Variants in PPP1R12A observed in about 807,000 individuals in gnomAD.
PPP1R12A encodes the protein myosin binding subunit.
In PPP1R12A, 19 loss-of-function variants were observed where a neutral mutation model predicts 139.6. The ratio of observed to expected loss-of-function variants is 0.14; its 90% CI spans 0.09 to 0.20. PPP1R12A has a LOEUF of 0.20. PPP1R12A is among the 10% of genes least tolerant of loss of function. The pLI is 1.00. For synonymous variants in PPP1R12A, 427 were observed against 420.6 expected (o/e 1.02, Z -0.19); for missense variants, 925 against 1,211.5 (o/e 0.76, Z 3.51).
At chr12:79,814,528 A>T (rs1443236178) in intron 9 of PPP1R12A, among the ~76,000 whole-genome samples, 2 of 141,156 alleles carry the variant, frequency 1.4e-5, no homozygotes, top group Non-Finnish European at 3.1e-5. Flanking sequence ...TAAAAAAAAA[A>T]TTTCAGGCCA....
chr12:79,899,255 TATATATATATATATATATATATATATA>T (rs1885420267), intron 1 of PPP1R12A, among the ~76,000 whole-genome samples: 3 of 2,214 alleles, frequency 1.4e-3, no homozygotes, highest in Non-Finnish European at 6.9e-3. Context: ...TATATATATA[TATATATATATATATATATATATATATA>T]TTCACTGTCT....
chr12:79,843,896 G>C (rs558771662), intron 3 of PPP1R12A, among the ~76,000 whole-genome samples: 1 of 151,866 alleles, frequency 6.6e-6, no homozygotes, highest in East Asian at 1.9e-4. Flanking sequence ...GTAGAGACAG[G>C]GTTTCACCAT....
At chr12:79,861,211 G>T (rs1020191226) in intron 2 of PPP1R12A, among the ~76,000 whole-genome samples, 12 of 152,246 alleles carry the variant, frequency 7.9e-5, no homozygotes, top group Admixed American at 2.0e-4. Context: ...ACTTTATTTG[G>T]TCATGTCCCA....
At chr12:79,781,140 C>T (rs905854856) in intron 23 of PPP1R12A, among the ~76,000 whole-genome samples, 5 of 152,272 alleles carry the variant, frequency 3.3e-5, no homozygotes, top group Middle Eastern at 3.4e-3. Flanking sequence ...ATCATTTATA[C>T]ATTTTCAACT....
intron 4 of PPP1R12A, among the ~76,000 whole-genome samples, chr12:79,831,118 C>G (rs1278414949): frequency 6.6e-6 from 1 of 151,820 alleles, no homozygotes; most frequent in Non-Finnish European, 1.5e-5. Flanking sequence ...CAATTCTTAC[C>G]TTTATGTAAT....
intron 1 of PPP1R12A, among the ~76,000 whole-genome samples, chr12:79,905,482 T>C: frequency 6.6e-6 from 1 of 152,056 alleles, no homozygotes; most frequent in Admixed American, 6.5e-5. Flanking sequence ...AACAGGGAAC[T>C]AGTAAGTGGC....
intron 1 of PPP1R12A, among the ~76,000 whole-genome samples, chr12:79,893,392 A>G (rs972025712): frequency 7.9e-5 from 12 of 152,192 alleles, no homozygotes; most frequent in Non-Finnish European, 1.5e-4. Context: ...TACTATCTTT[A>G]CATTCATCCC....
intron 3 of PPP1R12A, among the ~76,000 whole-genome samples, chr12:79,834,072 G>C (rs961159683): frequency 3.3e-5 from 5 of 152,104 alleles, no homozygotes; most frequent in African/African-American, 1.2e-4. Context: ...TACATTGTTA[G>C]ATGCTACAGG....
chr12:79,911,687 T>G (rs1380390382), intron 1 of PPP1R12A, among the ~76,000 whole-genome samples: 1 of 152,118 alleles, frequency 6.6e-6, no homozygotes, highest in African/African-American at 2.4e-5. Context: ...CATAATTTTT[T>G]TTTTTTACTT....
chr12:79,841,066 AAAAG>A (rs1195826692), intron 3 of PPP1R12A, among the ~76,000 whole-genome samples: 17 of 151,846 alleles, frequency 1.1e-4, no homozygotes, highest in Middle Eastern at 3.4e-3. Context: ...AAAAAAAAAA[AAAAG>A]AGAGAGAGAG....
intron 2 of PPP1R12A, among the ~76,000 whole-genome samples, chr12:79,853,586 ACAAT>A (rs1354881119): frequency 6.6e-6 from 1 of 152,244 alleles, no homozygotes; most frequent in Non-Finnish European, 1.5e-5. Flanking sequence ...AGATAAATTC[ACAAT>A]CAGGGGAAGT....
chr12:79,863,773 C>T (rs1881641927), intron 2 of PPP1R12A, among the ~76,000 whole-genome samples: 1 of 150,894 alleles, frequency 6.6e-6, no homozygotes, highest in Admixed American at 6.6e-5. Flanking sequence ...GGGATCAATT[C>T]AACAAGAAGA....
At chr12:79,806,670 A>T (rs1213009795) in intron 12 of PPP1R12A, 3 of 195,156 alleles carry the variant, frequency 1.5e-5, no homozygotes, top group African/African-American at 4.7e-5. Flanking sequence ...CCCAGGGAAA[A>T]CAAGACGTTG....
At chr12:79,826,143 A>C (rs961330494) in intron 5 of PPP1R12A, among the ~76,000 whole-genome samples, 2 of 152,050 alleles carry the variant, frequency 1.3e-5, no homozygotes, top group Non-Finnish European at 2.9e-5. Flanking sequence ...AAGAAGTTAT[A>C]GAGGAACTTA....
At chr12:79,927,240 G>A (rs4842324) in intron 1 of PPP1R12A, among the ~76,000 whole-genome samples, 114,340 of 152,022 alleles carry the variant, frequency 0.75, 45,897 homozygotes, top group Non-Finnish European at 0.92. Context: ...CAACTGAAAC[G>A]ATATAAATTG....
At chr12:79,817,294 T>C (rs899268008) in intron 9 of PPP1R12A, 100 bp downstream of exon 9, 1 of 1,059,718 alleles carries the variant, frequency 9.4e-7, no homozygotes, top group African/African-American at 1.6e-5. Context: ...TTACATATTT[T>C]TGGAACAGAC....
intron 5 of PPP1R12A, among the ~76,000 whole-genome samples, chr12:79,824,291 A>T (rs552660093): frequency 7.2e-5 from 11 of 152,240 alleles, no homozygotes; most frequent in African/African-American, 2.6e-4. Context: ...TGTGTTTAAG[A>T]TTATGTTATG....
chr12:79,891,654 C>G (rs758178415), intron 1 of PPP1R12A, among the ~76,000 whole-genome samples: 16 of 152,178 alleles, frequency 1.1e-4, no homozygotes, highest in Non-Finnish European at 2.1e-4. Context: ...TGACTTGTTT[C>G]TTACAAACTT....
At chr12:79,784,580 A>G (rs1870877612) in intron 22 of PPP1R12A, among the ~76,000 whole-genome samples, 1 of 152,236 alleles carries the variant, frequency 6.6e-6, no homozygotes, top group African/African-American at 2.4e-5. Flanking sequence ...TAAGTAGCGG[A>G]GACACAGATG....
Sources: allele counts gnomAD v4.1 joint callset (sites outside exome capture counted in the v4.1 genomes callset), GRCh38; gene constraint gnomAD v4.1.1; transcripts MANE v1.5; gene names NCBI Gene and HGNC (gene_info 2026-07-23, HGNC 2026-07-21).